The following DLG2 variants were observed in gnomAD, a reference collection of about 807,000 sequenced individuals.
DLG2 encodes disks large homolog 2.
In DLG2, 45 loss-of-function variants were observed where a neutral mutation model predicts 132.5. The ratio of observed to expected loss-of-function variants is 0.34; its 90% CI spans 0.27 to 0.44. The LOEUF is 0.44. DLG2 is among the 20% of genes least tolerant of loss of function. The pLI is 1.00. For synonymous variants in DLG2, 424 were observed against 419.6 expected (o/e 1.01, Z -0.13); for missense variants, 1,045 against 1,196.9 (o/e 0.87, Z 1.87).
At chr11:85,403,865 C>T (rs1197594010) in intron 3 of DLG2, among the ~76,000 whole-genome samples, 1 of 151,902 alleles carries the variant, frequency 6.6e-6, no homozygotes, top group Non-Finnish European at 1.5e-5. Flanking sequence ...AGGATTGAAA[C>T]AAGACATTGA....
chr11:84,172,518 CTTATTTATTTAT>C (rs71066098), intron 8 of DLG2, among the ~76,000 whole-genome samples: 1,544 of 134,524 alleles, frequency 0.011, 8 homozygotes, highest in Non-Finnish European at 0.016. Context: ...TTTTTCCATT[CTTATTTATTTAT>C]TTATTTATTT....
chr11:83,929,079 TA>T (rs2154129139), intron 15 of DLG2, among the ~76,000 whole-genome samples: 1 of 134,856 alleles, frequency 7.4e-6, no homozygotes, highest in East Asian at 2.0e-4. Context: ...TATTGCAAAT[TA>T]ATAAAAAAAT....
chr11:85,471,801 T>A (rs1181735157), intron 3 of DLG2, among the ~76,000 whole-genome samples: 1 of 151,740 alleles, frequency 6.6e-6, no homozygotes, highest in Non-Finnish European at 1.5e-5. Flanking sequence ...AGGAAGAAAA[T>A]TTTTAATAAT....
chr11:84,836,413 T>C (rs1184451559), intron 6 of DLG2, among the ~76,000 whole-genome samples: 1 of 151,752 alleles, frequency 6.6e-6, no homozygotes, highest in African/African-American at 2.4e-5. Context: ...GCTCATTTTA[T>C]AAACCAGAAA....
chr11:84,567,766 C>T (rs61898965), intron 6 of DLG2, among the ~76,000 whole-genome samples: 21,032 of 152,148 alleles, frequency 0.14, 1,618 homozygotes, highest in African/African-American at 0.21. Flanking sequence ...GGCTCTATTC[C>T]TCCTTACGGA....
At chr11:85,497,395 A>G (rs1372639536) in intron 3 of DLG2, among the ~76,000 whole-genome samples, 1 of 152,088 alleles carries the variant, frequency 6.6e-6, no homozygotes, top group Admixed American at 6.5e-5. Flanking sequence ...GTGAAAAGAA[A>G]AGAACAAAGC....
At chr11:83,946,263 C>T (rs1454303715) in intron 14 of DLG2, among the ~76,000 whole-genome samples, 1 of 152,176 alleles carries the variant, frequency 6.6e-6, no homozygotes, top group Non-Finnish European at 1.5e-5. Context: ...GCTGGGATTA[C>T]AGGCTTGAGC....
intron 6 of DLG2, among the ~76,000 whole-genome samples, chr11:84,943,808 TTGTC>T (rs2049813428): frequency 1.3e-5 from 2 of 152,218 alleles, no homozygotes; most frequent in South Asian, 4.1e-4. Flanking sequence ...TATTCTATAC[TTGTC>T]TGTGTGCTTA....
chr11:84,210,688 C>T (rs1291754335), intron 8 of DLG2, among the ~76,000 whole-genome samples: 1 of 151,964 alleles, frequency 6.6e-6, no homozygotes, highest in Non-Finnish European at 1.5e-5. Context: ...GTTCTTGATA[C>T]AAATAACAAT....
chr11:84,870,872 T>G (rs115152714), intron 6 of DLG2, among the ~76,000 whole-genome samples: 3,879 of 152,294 alleles, frequency 0.025, 187 homozygotes, highest in African/African-American at 0.09. Flanking sequence ...GACCTGAATT[T>G]ACAACAAAAA....
At chr11:84,077,821 C>T (rs187127294) in intron 10 of DLG2, among the ~76,000 whole-genome samples, 145 of 152,198 alleles carry the variant, frequency 9.5e-4, no homozygotes, top group African/African-American at 3.3e-3. Flanking sequence ...TGTTTCCATT[C>T]TACTTTTACC....
chr11:85,291,738 C>A (rs1206161600), intron 3 of DLG2, among the ~76,000 whole-genome samples: 1 of 152,080 alleles, frequency 6.6e-6, no homozygotes, highest in Admixed American at 6.6e-5. Context: ...GTGCCCAACA[C>A]CATGCCCAGT....
chr11:85,031,166 ATT>A (rs911062818), intron 6 of DLG2, among the ~76,000 whole-genome samples: 2 of 151,838 alleles, frequency 1.3e-5, no homozygotes, highest in South Asian at 2.1e-4. Flanking sequence ...GCTCTTCATT[ATT>A]TTGTTTTGTT....
At chr11:83,555,674 A>G (rs1032251316) in intron 19 of DLG2, among the ~76,000 whole-genome samples, 1 of 152,232 alleles carries the variant, frequency 6.6e-6, no homozygotes, top group Non-Finnish European at 1.5e-5. Context: ...ATTTGATTGC[A>G]GACAGGGGAA....
chr11:85,221,046 CTTTT>C (rs375581362), intron 4 of DLG2, among the ~76,000 whole-genome samples: 3 of 142,884 alleles, frequency 2.1e-5, no homozygotes, highest in African/African-American at 7.6e-5. Flanking sequence ...GTCAAACTTT[CTTTT>C]TTTTTTTTTT....
rs1316185540 is a variant in DLG2 at position 84,100,265 on chromosome 11, A to ATCTAAAGG, written c.625-1219_625-1218insCCTTTAGA. 3.1e-5 allele frequency among the ~76,000 whole-genome samples: 4 copies of ATCTAAAGG among 130,940 alleles called. 1 individual carries two copies. Among genetic ancestry groups the ATCTAAAGG allele is most frequent in the African/African-American group, 1.2e-4 (4 of 33,774 alleles). 85.9% of individuals were successfully genotyped at this position (130,940 alleles called of 152,430 possible). ...TATATATATCTAAAGCGATATATATATATATAAAGGATATATATATCTAAA... is the reference window on the plus strand; with the variant it reads ...TATATATATCTAAAGCGATATATATATCTAAAGGTATATAAAGGATATATATATCTAAA... On this transcript the variant is annotated intron_variant, in intron 9 of 27. Coordinates refer to ENST00000376104, the MANE Select transcript of DLG2 (RefSeq NM_001142699.3).
At chr11:84,366,505 A>G (rs1042246312) in intron 7 of DLG2, among the ~76,000 whole-genome samples, 3 of 152,154 alleles carry the variant, frequency 2.0e-5, no homozygotes, top group Non-Finnish European at 4.4e-5. Flanking sequence ...TCCAATTAAA[A>G]GACACAGACT....
chr11:83,483,188 A>G (rs915444175), intron 22 of DLG2: 5 of 1,448,382 alleles, frequency 3.5e-6, no homozygotes, highest in Non-Finnish European at 4.9e-6. Context: ...AAAAGGAACA[A>G]AAGCCAAACT....
intron 14 of DLG2, among the ~76,000 whole-genome samples, chr11:83,952,607 T>C (rs188069632): frequency 2.6e-5 from 4 of 152,304 alleles, no homozygotes; most frequent in Non-Finnish European, 4.4e-5. Flanking sequence ...AGTTATACGA[T>C]AGGCTATTAT....
Sources: gnomAD v4.1 joint callset for allele counts (sites outside exome capture counted in the v4.1 genomes callset) on GRCh38, gnomAD v4.1.1 for gene constraint, MANE v1.5 for transcripts, NCBI Gene and HGNC (gene_info 2026-07-23, HGNC 2026-07-21) for gene names.